Variants in PSD3 observed in about 807,000 individuals in gnomAD.
PSD3 encodes the protein pleckstrin and Sec7 domain containing 3.
A neutral mutation model predicts 105.5 loss-of-function variants in PSD3; 49 were observed. That is an observed-to-expected ratio of 0.46 (90% confidence interval 0.37 to 0.59). The LOEUF is 0.59. Among genes scored for constraint, PSD3 ranks in the 20% least tolerant of loss-of-function variants. The pLI is 0.00. For missense variants in PSD3, 1,561 were observed against 1,263.8 expected (o/e 1.24, Z -3.57); for synonymous variants, 557 against 457.8 (o/e 1.22, Z -2.77).
intron 4 of PSD3, among the ~76,000 whole-genome samples, chr8:18,857,047 T>C (rs571217312): frequency 1.3e-3 from 193 of 152,174 alleles, no homozygotes; most frequent in Non-Finnish European, 1.6e-3. Flanking sequence ...CCTGCTGATA[T>C]AGTTTGGAGG....
At chr8:18,785,316 C>G (rs1809036818) in intron 8 of PSD3, among the ~76,000 whole-genome samples, 1 of 152,142 alleles carries the variant, frequency 6.6e-6, no homozygotes, top group Non-Finnish European at 1.5e-5. Flanking sequence ...GCCTCAGATT[C>G]TACATTAGCA....
At chr8:18,814,353 A>G (rs1034070122) in intron 4 of PSD3, among the ~76,000 whole-genome samples, 2 of 152,148 alleles carry the variant, frequency 1.3e-5, no homozygotes, top group African/African-American at 4.8e-5. Context: ...ATGGAAAATG[A>G]CCCAAACTCA....
At chr8:18,692,254 G>A (rs1465268285) in intron 9 of PSD3, among the ~76,000 whole-genome samples, 1 of 152,150 alleles carries the variant, frequency 6.6e-6, no homozygotes, top group Non-Finnish European at 1.5e-5. Context: ...AGCTGACACT[G>A]AGATAGACAT....
chr8:18,790,429 A>G (rs973079199), intron 8 of PSD3, among the ~76,000 whole-genome samples: 2 of 151,322 alleles, frequency 1.3e-5, no homozygotes, highest in Admixed American at 6.6e-5. Flanking sequence ...CAGCCTCCCA[A>G]GTAGCTGGGA....
At chr8:18,842,904 TG>T (rs1267164904) in intron 4 of PSD3, among the ~76,000 whole-genome samples, 1 of 152,180 alleles carries the variant, frequency 6.6e-6, no homozygotes, top group African/African-American at 2.4e-5. Context: ...AGTTCCCTCT[TG>T]CCAGAACACA....
chr8:18,822,876 C>T (rs553875807), intron 4 of PSD3, among the ~76,000 whole-genome samples: 2 of 152,244 alleles, frequency 1.3e-5, no homozygotes, highest in Admixed American at 6.5e-5. Flanking sequence ...TTAAAGTTTA[C>T]AGCACAAGAA....
At chr8:18,587,566 G>A (rs573473283) in intron 12 of PSD3, among the ~76,000 whole-genome samples, 11 of 151,822 alleles carry the variant, frequency 7.2e-5, no homozygotes, top group African/African-American at 2.2e-4. Context: ...GCTTTTTCTC[G>A]CCTGCCTGCC....
intron 10 of PSD3, among the ~76,000 whole-genome samples, chr8:18,635,489 A>G (rs990972990): frequency 6.6e-6 from 1 of 152,138 alleles, no homozygotes; most frequent in Non-Finnish European, 1.5e-5. Context: ...AACACTTACC[A>G]TACTATGCTT....
chr8:18,572,549 G>A lies in PSD3; in HGVS notation c.2763C>T (p.Ala921=). ...QKKFSRPLLP[A]TTTKLSQEEQ... ...TTACCTGAGACAGTTTTGTTGTAGT[G>A]GCAGGCAGAAGTGGGCGGCTAAACT... The change falls in exon 14 of 16, where the codon GCC becomes GCT. Residue 921 remains alanine, a synonymous_variant. Coordinates refer to ENST00000327040, the MANE Select transcript of PSD3 (RefSeq NM_015310.4). 2 of 1,613,922 alleles carry A rather than the reference G, an allele frequency of 1.2e-6. No individual in the cohort carries two copies. Among genetic ancestry groups the A allele is most frequent in the Non-Finnish European group, 1.7e-6 (2 of 1,179,856 alleles).
At chr8:19,000,646 A>G (rs1226149866) in intron 1 of PSD3, 9 of 151,932 alleles carry the variant, frequency 5.9e-5, no homozygotes, top group Admixed American at 5.9e-4. Flanking sequence ...AAGCTCTAAA[A>G]GCAGCCCAGG....
intron 1 of PSD3, among the ~76,000 whole-genome samples, chr8:19,061,963 G>C (rs951897668): frequency 6.6e-6 from 1 of 151,994 alleles, no homozygotes; most frequent in African/African-American, 2.4e-5. Context: ...CCCCATCTGG[G>C]TAAAATTTAT....
intron 8 of PSD3, among the ~76,000 whole-genome samples, chr8:18,789,849 T>G (rs1016901187): frequency 2.9e-4 from 44 of 152,342 alleles, no homozygotes; most frequent in African/African-American, 1.0e-3. Flanking sequence ...AGAGCGAAAC[T>G]GACTTAGAAT....
intron 8 of PSD3, among the ~76,000 whole-genome samples, chr8:18,775,373 T>C (rs1563251973): frequency 6.6e-6 from 1 of 152,206 alleles, no homozygotes; most frequent in Admixed American, 6.5e-5. Flanking sequence ...TTTAAATATA[T>C]ACCAAGCAGT....
chr8:18,941,009 C>T (rs1380152181), intron 1 of PSD3, among the ~76,000 whole-genome samples: 3 of 152,188 alleles, frequency 2.0e-5, no homozygotes, highest in Non-Finnish European at 4.4e-5. Flanking sequence ...ATCCTCTTCC[C>T]ATAGCAAGGC....
intron 9 of PSD3, among the ~76,000 whole-genome samples, chr8:18,708,977 G>A (rs546307376): frequency 7.2e-5 from 11 of 152,256 alleles, no homozygotes; most frequent in African/African-American, 1.7e-4. Context: ...TGCAACCTGC[G>A]GATCAGGAGA....
chr8:18,613,079 A>T (rs1805388350), intron 11 of PSD3, among the ~76,000 whole-genome samples: 1 of 152,118 alleles, frequency 6.6e-6, no homozygotes, highest in African/African-American at 2.4e-5. Context: ...GGAAGCAACA[A>T]ATCCCAAAAT....
At chr8:19,011,260 A>G (rs117839861) in intron 1 of PSD3, among the ~76,000 whole-genome samples, 2,392 of 152,344 alleles carry the variant, frequency 0.016, 32 homozygotes, top group Non-Finnish European at 0.026. Flanking sequence ...CTTAACCAAG[A>G]CTGCAATTAA....
chr8:18,867,132 A>G (rs1372200308), intron 4 of PSD3, among the ~76,000 whole-genome samples: 1 of 152,202 alleles, frequency 6.6e-6, no homozygotes, highest in Admixed American at 6.5e-5. Context: ...AGACCAAGAT[A>G]TCAGCTCTCT....
intron 1 of PSD3, among the ~76,000 whole-genome samples, chr8:18,993,161 AAGAC>A (rs1386089872): frequency 2.0e-5 from 3 of 152,192 alleles, no homozygotes; most frequent in South Asian, 2.1e-4. Flanking sequence ...TCCTCAGAGA[AAGAC>A]AGAGTGAGTG....
Sources: allele counts gnomAD v4.1 joint callset (sites outside exome capture counted in the v4.1 genomes callset), GRCh38; gene constraint gnomAD v4.1.1; transcripts MANE v1.5; gene names NCBI Gene and HGNC (gene_info 2026-07-23, HGNC 2026-07-21).